The following NID2 variants were observed in gnomAD, a reference collection of about 807,000 sequenced individuals.
NID2 encodes the protein nidogen 2, also known as nidogen-2.
NID2 carries 83 observed loss-of-function variants against 145.4 expected under a neutral mutation model. The observed-to-expected ratio is 0.57, with a 90% CI of 0.48 to 0.69. The LOEUF (loss-of-function observed/expected upper bound fraction) is 0.69. NID2 is among the 30% of genes least tolerant of loss of function. NID2 has a pLI of 0.00. For synonymous variants in NID2, 739 were observed against 701.3 expected (o/e 1.05, Z -0.85); for missense variants, 1,807 against 1,765.7 (o/e 1.02, Z -0.42).
intron 12 of NID2, among the ~76,000 whole-genome samples, chr14:52,024,781 C>A (rs1891529548): frequency 6.6e-6 from 1 of 151,818 alleles, no homozygotes; most frequent in Non-Finnish European, 1.5e-5. Context: ...AAAAATAGGG[C>A]AAATTAAAAA....
At chr14:52,050,126 T>C (rs1892638269) in intron 5 of NID2, among the ~76,000 whole-genome samples, 1 of 152,188 alleles carries the variant, frequency 6.6e-6, no homozygotes, top group Admixed American at 6.5e-5. Flanking sequence ...GAGATTAAAT[T>C]AAGCTGCGTA....
intron 1 of NID2, 126 bp from the exon 2 acceptor site, chr14:52,068,289 G>T: frequency 1.1e-6 from 1 of 943,232 alleles, no homozygotes; most frequent in Non-Finnish European, 1.6e-6. Context: ...TGGCCAGGGA[G>T]TCTGGATTCA....
rs1199292552 is a variant in NID2 at position 52,015,252 on chromosome 14, T to C, written c.3052A>G (p.Ile1018Val). The stretch of plus-strand genomic sequence containing the variant: ...AGGTTTTCCCTCCAGCGCTCACAGA[T>C]GGTCGGGGGCCTCTGGGTGGGCTCT... ...SPEPTQRPPT[I>V]CERWRENLLE... The change falls in exon 15 of 22, where the codon ATC (isoleucine) becomes GTC (valine). Residue 1018 changes from isoleucine to valine, a missense_variant. Transcript: ENST00000216286. 1.2e-6 allele frequency: 2 copies of C among 1,611,988 alleles called. No homozygotes were observed. Among genetic ancestry groups the C allele is most frequent in the African/African-American group, 2.7e-5 (2 of 74,820 alleles).
At chr14:52,046,933 C>T (rs1306532296) in intron 5 of NID2, among the ~76,000 whole-genome samples, 1 of 152,146 alleles carries the variant, frequency 6.6e-6, no homozygotes, top group African/African-American at 2.4e-5. Context: ...ATTTATAATC[C>T]CTCTTCCACG....
At chr14:52,042,415 A>G (rs1410186166) in intron 6 of NID2, 65 bp from the exon 7 acceptor site, 13 of 1,514,944 alleles carry the variant, frequency 8.6e-6, no homozygotes, top group African/African-American at 5.5e-5. Flanking sequence ...GTACCCAGGT[A>G]TAATTATTCC....
chr14:52,058,893 A>T (rs11157873), intron 3 of NID2, among the ~76,000 whole-genome samples: 5 of 151,538 alleles, frequency 3.3e-5, no homozygotes, highest in African/African-American at 7.3e-5. Context: ...GAACCAGAGG[A>T]GGGAGAGTAA....
Position 52,053,681 on chromosome 14 carries a change from C to G in NID2, c.1327G>C (p.Glu443Gln), listed in dbSNP as rs1892751563. Residue 443 changes from glutamate to glutamine, a missense_variant, in exon 5 of 22, where the codon GAA becomes CAA. By Grantham distance (29) the Glu-to-Gln change is conservative. Transcript: ENST00000216286. Reference sequence around the variant, plus strand: ...GCAGGGTAACTTCGAAGAACAATTTCTTCTTCAGGATGAGCTGGGGGAACA... The same window carrying G: ...GCAGGGTAACTTCGAAGAACAATTTGTTCTTCAGGATGAGCTGGGGGAACA... ...MDVPPAHPEE[E>Q]IVLRSYPASG... 1 of 1,614,216 alleles carries G rather than the reference C, an allele frequency of 6.2e-7. No homozygotes were observed. Among genetic ancestry groups the G allele is most frequent in the East Asian group, 2.2e-5 (1 of 44,874 alleles).
intron 2 of NID2, 42 bp from the exon 3 acceptor site, chr14:52,060,398 AAC>A: frequency 1.9e-6 from 2 of 1,029,146 alleles, no homozygotes; most frequent in Non-Finnish European, 2.7e-6. Context: ...GAGAGAGAGA[AAC>A]ATCCTGTAAA....
At chr14:52,030,533 AAAGAAAG>A (rs1566755465) in intron 9 of NID2, among the ~76,000 whole-genome samples, 3 of 54,110 alleles carry the variant, frequency 5.5e-5, no homozygotes, top group African/African-American at 6.1e-5. Context: ...AGAAAGAAAG[AAAGAAAG>A]AAAGAAAGAA....
chr14:52,006,690 C>T, intron 19 of NID2, 30 bp from the exon 20 acceptor site: 1 of 1,611,060 alleles, frequency 6.2e-7, no homozygotes, highest in Non-Finnish European at 8.5e-7. Context: ...AAATGAGGTC[C>T]TTCAGCTGCT....
intron 12 of NID2, among the ~76,000 whole-genome samples, chr14:52,022,136 G>T (rs1447724079): frequency 6.6e-6 from 1 of 151,928 alleles, no homozygotes; most frequent in Non-Finnish European, 1.5e-5. Flanking sequence ...AAGAGAGAGG[G>T]GATTCCCCAG....
chr14:52,011,268 C>T (rs185209517), intron 17 of NID2, among the ~76,000 whole-genome samples: 3 of 152,298 alleles, frequency 2.0e-5, no homozygotes, highest in Non-Finnish European at 4.4e-5. Flanking sequence ...TGATGACAAC[C>T]GGCATCCACA....
At chr14:52,015,007 A>G in intron 15 of NID2, 47 bp downstream of exon 15, 1 of 1,475,970 alleles carries the variant, frequency 6.8e-7, no homozygotes, top group Non-Finnish European at 9.3e-7. Context: ...ATCCCTAGCA[A>G]AGGCCTTAGA....
chr14:52,012,483 A>G (rs1473970540), intron 16 of NID2, among the ~76,000 whole-genome samples: 1 of 152,144 alleles, frequency 6.6e-6, no homozygotes, highest in African/African-American at 2.4e-5. Context: ...CTGTAGTCCC[A>G]GCTACTCAGG....
rs771431327 is a variant in NID2 at position 52,068,117 on chromosome 14, G to A, written c.275C>T (p.Thr92Met). 5 of 1,613,324 alleles carry A rather than the reference G, an allele frequency of 3.1e-6. No homozygotes were observed. The highest frequency in any genetic ancestry group is 1.7e-5 in the Admixed American group (1 of 60,010). Residue 92 changes from threonine to methionine, a missense_variant, in exon 2 of 22, where the codon ACG (threonine) becomes ATG (methionine). Thr to Met is a moderately conservative substitution (Grantham distance 81, BLOSUM62 -1). Transcript: ENST00000216286. ...IISTQDFPRETQYVDYDFPTD... is the reference protein window; with the variant it reads ...IISTQDFPREMQYVDYDFPTD... ...GGGGAAATCATAGTCCACATACTGC[G>A]TTTCCCTGGGGAAGTCCTGAGTGGA...
chr14:52,062,597 C>G (rs567388809), intron 2 of NID2, among the ~76,000 whole-genome samples: 129 of 152,214 alleles, frequency 8.5e-4, no homozygotes, highest in African/African-American at 2.8e-3. Context: ...TTTCAAAAAG[C>G]TAAGCTTTCA....
intron 2 of NID2, among the ~76,000 whole-genome samples, chr14:52,062,560 G>A (rs912460160): frequency 6.6e-6 from 1 of 152,126 alleles, no homozygotes; most frequent in African/African-American, 2.4e-5. Flanking sequence ...GGAAAGAAAA[G>A]TACTAGAGGA....
At chr14:52,028,301 G>A (rs1292990032) in intron 11 of NID2, among the ~76,000 whole-genome samples, 1 of 151,028 alleles carries the variant, frequency 6.6e-6, no homozygotes, top group African/African-American at 2.4e-5. Flanking sequence ...TTGAGACAGA[G>A]TCTCACTCTA....
At chr14:52,015,459 T>C (rs1184547153) in intron 14 of NID2, among the ~76,000 whole-genome samples, 184 bp from the exon 15 acceptor site, 2 of 152,164 alleles carry the variant, frequency 1.3e-5, no homozygotes, top group African/African-American at 2.4e-5. Context: ...TTCTCCACCA[T>C]GGGAATCAGA....
Sources: allele counts gnomAD v4.1 joint callset (sites outside exome capture counted in the v4.1 genomes callset), GRCh38; gene constraint gnomAD v4.1.1; transcripts MANE v1.5; gene names NCBI Gene and HGNC (gene_info 2026-07-23, HGNC 2026-07-21).